The following METTL21A variants were observed in gnomAD, a reference collection of about 807,000 sequenced individuals.
METTL21A encodes the protein protein N-lysine methyltransferase METTL21A.
A neutral mutation model predicts 20.9 loss-of-function variants in METTL21A; 22 were observed. That is an observed-to-expected ratio of 1.05 (90% CI 0.75 to 1.50). The LOEUF is 1.50. Ranked by LOEUF, METTL21A falls within the 40% of genes most tolerant of loss-of-function variation. The pLI, the probability that METTL21A is intolerant of heterozygous loss-of-function variation, is 0.00. For missense variants in METTL21A, 271 were observed against 266.8 expected, an observed-to-expected ratio of 1.02 and a Z score of -0.11; for synonymous variants, 93 against 102.0, an observed-to-expected ratio of 0.91 and a Z score of 0.53.
chr2:207,616,042 C>T (rs2089687508), intron 3 of METTL21A, among the ~76,000 whole-genome samples: 1 of 152,088 alleles, frequency 6.6e-6, no homozygotes, highest in South Asian at 2.1e-4. Flanking sequence ...AGCTACTGTA[C>T]TCAGCCCTAT....
At chr2:207,600,252 T>C (rs1437547594) in intron 3 of METTL21A, 3 of 163,282 alleles carry the variant, frequency 1.8e-5, no homozygotes, top group Non-Finnish European at 2.6e-5. Context: ...TATATATATA[T>C]ATATATATAT....
chr2:207,606,781 ATAG>A (rs1457606758), downstream of METTL21A, among the ~76,000 whole-genome samples: 2 of 152,170 alleles, frequency 1.3e-5, no homozygotes, highest in African/African-American at 4.8e-5. Flanking sequence ...GGTACATTAT[ATAG>A]TGATTTTTTA....
chr2:207,598,053 C>CA (rs904810360), intron 3 of METTL21A: 2 of 180,554 alleles, frequency 1.1e-5, no homozygotes, highest in Non-Finnish European at 2.4e-5. Flanking sequence ...TTCAAGATGT[C>CA]AAATAAAGCA....
intron 3 of METTL21A, chr2:207,597,459 G>A (rs1431756791): frequency 8.6e-6 from 2 of 231,328 alleles, no homozygotes; most frequent in African/African-American, 4.4e-5. Context: ...TTGAGCTGAA[G>A]TAATGTGTGG....
intron 3 of METTL21A, among the ~76,000 whole-genome samples, chr2:207,618,352 T>C (rs2090048369): frequency 6.6e-6 from 1 of 152,202 alleles, no homozygotes; most frequent in African/African-American, 2.4e-5. Flanking sequence ...GTATATAAGA[T>C]GCTTTTTCCA....
chr2:207,624,259 G>T (rs370753618), exon 2 of METTL21A: 1 of 1,611,740 alleles, frequency 6.2e-7, no homozygotes, highest in African/African-American at 1.3e-5. Flanking sequence ...CGACTCCCAG[G>T]TGTCTCCAGT....
intron 3 of METTL21A, chr2:207,602,250 T>C (rs998072242): frequency 5.4e-6 from 1 of 185,926 alleles, no homozygotes. Context: ...TTAAAAAATA[T>C]ATAAATAAAA....
intron 3 of METTL21A, chr2:207,582,798 C>A: frequency 3.4e-6 from 1 of 290,268 alleles, no homozygotes; most frequent in Non-Finnish European, 7.0e-6. Flanking sequence ...GCGGCTGAGG[C>A]AGAAGAATTG....
intron 2 of METTL21A, 71 bp from the exon 3 acceptor site, chr2:207,621,988 G>T: frequency 7.7e-7 from 1 of 1,306,346 alleles, no homozygotes; most frequent in Non-Finnish European, 1.1e-6. Context: ...TTTCAGGTCA[G>T]CTACACCCAC....
intron 3 of METTL21A, among the ~76,000 whole-genome samples, chr2:207,603,667 A>T (rs2087526066): frequency 6.6e-6 from 1 of 152,212 alleles, no homozygotes; most frequent in Admixed American, 6.5e-5. Context: ...TGGAGATGTT[A>T]CTGTCAAGAT....
intron 3 of METTL21A, chr2:207,599,625 C>CTTA (rs1466798582): frequency 6.0e-5 from 12 of 199,992 alleles, no homozygotes; most frequent in Admixed American, 2.4e-4. Flanking sequence ...CTAAATCTGT[C>CTTA]TTAGACCCTT....
chr2:207,595,769 A>G (rs565870485), intron 3 of METTL21A, among the ~76,000 whole-genome samples: 1 of 152,096 alleles, frequency 6.6e-6, no homozygotes, highest in South Asian at 2.1e-4. Context: ...GGGTCTTAAT[A>G]TATTGCCCAG....
At chr2:207,587,662 A>G (rs2084134898) in intron 3 of METTL21A, among the ~76,000 whole-genome samples, 1 of 152,218 alleles carries the variant, frequency 6.6e-6, no homozygotes, top group African/African-American at 2.4e-5. Flanking sequence ...AACTTGGGGG[A>G]CATTATGGGT....
Position 207,613,164 on chromosome 2 carries a change from TC to T in METTL21A, c.538del (p.Asp180IlefsTer5), listed in dbSNP as rs1489763056. On this transcript the variant is annotated frameshift_variant, in exon 4 of 4. Transcript: ENST00000406927. LOFTEE classifies it high-confidence loss of function. ...CTCCAGCATTGCTAAGAAGTTGTTA[TC>T]CCGTTCATAGCGAATTCGGCATGCT... 4 of 1,613,962 alleles carry T rather than the reference TC, an allele frequency of 2.5e-6. No homozygotes were observed. The East Asian group carries it at 8.9e-5, about 36-fold the overall frequency.
chr2:207,581,802 GT>G, exon 4 of METTL21A: 1 of 698,702 alleles, frequency 1.4e-6, no homozygotes, highest in Non-Finnish European at 2.6e-6. Context: ...ACATAATCCA[GT>G]TTGGGTACCA....
chr2:207,582,344 C>G (rs1056827222), intron 3 of METTL21A, among the ~76,000 whole-genome samples: 1 of 152,156 alleles, frequency 6.6e-6, no homozygotes, highest in African/African-American at 2.4e-5. Context: ...ATTTGCTATT[C>G]TAATGGGAAT....
chr2:207,605,672 A>T (rs2087968877), downstream of METTL21A, among the ~76,000 whole-genome samples: 1 of 152,228 alleles, frequency 6.6e-6, no homozygotes, highest in African/African-American at 2.4e-5. Flanking sequence ...AGGTACAAAC[A>T]GTGGTTTATA....
At chr2:207,603,070 G>A (rs1279281638) in intron 3 of METTL21A, 1 of 211,426 alleles carries the variant, frequency 4.7e-6, no homozygotes, top group African/African-American at 2.3e-5. Flanking sequence ...TAACTCTGAT[G>A]TTTCTATTGG....
chr2:207,612,693 C>G (rs534328117), downstream of METTL21A: 18 of 175,040 alleles, frequency 1.0e-4, no homozygotes, highest in South Asian at 3.3e-3. Context: ...AAGATTTAAT[C>G]TTACCAAGAA....
Sources: allele counts gnomAD v4.1 joint callset (sites outside exome capture counted in the v4.1 genomes callset), GRCh38; gene constraint gnomAD v4.1.1; transcripts MANE v1.5; gene names NCBI Gene and HGNC (gene_info 2026-07-23, HGNC 2026-07-21).